Variants in LCT observed in about 807,000 individuals in gnomAD.
LCT encodes the protein lactase.
A neutral mutation model predicts 173.0 loss-of-function variants in LCT; 90 were observed. The ratio of observed to expected loss-of-function variants is 0.52; its 90% CI spans 0.44 to 0.62. LCT has a LOEUF of 0.62. Ranked by LOEUF, LCT falls within the 20% of genes least tolerant of loss-of-function variation. The pLI, the probability that LCT is intolerant of heterozygous loss-of-function variation, is 0.00. For missense variants in LCT, 1,864 were observed against 2,431.4 expected, an observed-to-expected ratio of 0.77 and a Z score of 4.91; for synonymous variants, 853 against 957.6, an observed-to-expected ratio of 0.89 and a Z score of 2.02.
Position 135,788,365 on chromosome 2 carries a change from G to GT in LCT, c.5742dup (p.Gln1915ThrfsTer39). ...GGGCTCAATTCCTGTTGGCTTCGTT[G>GT]TGTTTTCCCTTGCTTAGAGCGCTTG... is the stretch of plus-strand genomic sequence containing the variant. On this transcript the variant is annotated frameshift_variant, in exon 17 of 17. Transcript: ENST00000264162. LOFTEE classifies it high-confidence loss of function. 1 of 1,614,144 alleles carries GT rather than the reference G, an allele frequency of 6.2e-7. No homozygotes were observed.
At chr2:135,818,276 G>C (rs1049152803) in intron 5 of LCT, among the ~76,000 whole-genome samples, 2 of 152,090 alleles carry the variant, frequency 1.3e-5, no homozygotes, top group Admixed American at 6.6e-5. Context: ...CTCTTTCATG[G>C]TTAAAACAGG....
chr2:135,803,497 A>G (rs1394327669), intron 11 of LCT, among the ~76,000 whole-genome samples: 1 of 152,248 alleles, frequency 6.6e-6, no homozygotes, highest in Non-Finnish European at 1.5e-5. Context: ...GCTCAGTGCG[A>G]TAAAGACCAT....
At position 135,807,231 on chromosome 2, in the gene LCT, T is replaced by C; in HGVS notation, c.4070A>G (p.Glu1357Gly). The C allele has an allele frequency of 6.2e-7, 1 of 1,614,202 alleles. No individual in the cohort carries two copies. The highest frequency in any genetic ancestry group is 8.5e-7 in the Non-Finnish European group (1 of 1,180,008). Reference protein sequence around the residue: ...TARASARYYTEVITNNGMPLA... With the variant: ...TARASARYYTGVITNNGMPLA... ...TGGCATGCCGTTGTTGGTAATGACC[T>C]CTGTGTAGTACCTGGCGGAGGCTCT... Residue 1357 changes from glutamate (E) to glycine (G), a missense_variant, in exon 9 of 17, where the codon GAG becomes GGG. This residue lies in a region of LCT where 514 missense variants were observed against 750.1 expected (regional missense o/e 0.69). Coordinates refer to ENST00000264162, the MANE Select transcript of LCT (RefSeq NM_002299.4).
At position 135,788,284 on chromosome 2, in the gene LCT, G is replaced by A; in HGVS notation, c.*40C>T. On this transcript the variant is annotated 3_prime_UTR_variant, in exon 17 of 17. Transcript: ENST00000264162. Reference sequence around the variant, plus strand: ...TTGGTGGCCGGTAAACATAGATGAAGAAACTAGGCCTGCTTCATAGAACTT... The same window carrying A: ...TTGGTGGCCGGTAAACATAGATGAAAAAACTAGGCCTGCTTCATAGAACTT... The A allele has an allele frequency of 6.9e-7, 1 of 1,459,570 alleles. No individual in the cohort carries two copies. Among genetic ancestry groups the A allele is most frequent in the Non-Finnish European group, 9.6e-7 (1 of 1,045,140 alleles). The allele number at this position is 1,459,570 out of a possible 1,614,324, so 90.4% of individuals were successfully genotyped here.
chr2:135,812,518 C>T lies in LCT; in HGVS notation c.2146G>A (p.Val716Met). The part of the protein sequence containing the change: ...IGGFSQHVNH[V>M]WPQTSSSWIR... The stretch of plus-strand genomic sequence containing the variant: ...CAAGAGGATGAGGTCTGGGGCCACA[C>T]ATGGTTCACGTGTTGGGAGAAGCCT... The change falls in exon 7 of 17, where the codon GTG becomes ATG. Residue 716 changes from valine to methionine, a missense_variant. Physicochemically the swap from Val to Met is conservative, Grantham distance 21. This residue lies in a region of LCT where 755 missense variants were observed against 926.3 expected (regional missense o/e 0.82). Transcript: ENST00000264162. 1.2e-6 allele frequency: 2 copies of T among 1,614,228 alleles called. No individual in the cohort carries two copies. Among genetic ancestry groups the T allele is most frequent in the Non-Finnish European group, 8.5e-7 (1 of 1,180,042 alleles).
chr2:135,816,905 G>A (rs1281037964), intron 6 of LCT, among the ~76,000 whole-genome samples: 1 of 149,858 alleles, frequency 6.7e-6, no homozygotes, highest in South Asian at 2.1e-4. Context: ...GTCTTGCTCT[G>A]TTGACCAGGC....
intron 1 of LCT, among the ~76,000 whole-genome samples, chr2:135,834,787 CAAAAA>C (rs60298631): frequency 2.9e-5 from 1 of 34,166 alleles, no homozygotes; most frequent in Admixed American, 6.7e-4. Context: ...GACTCCATCT[CAAAAA>C]AAAAAAAAAA....
chr2:135,827,710 C>A (rs944374642), intron 3 of LCT, among the ~76,000 whole-genome samples: 1 of 152,102 alleles, frequency 6.6e-6, no homozygotes, highest in Non-Finnish European at 1.5e-5. Flanking sequence ...CTAATATGGT[C>A]GCTGATCTGA....
intron 3 of LCT, 51 bp from the exon 4 acceptor site, chr2:135,824,054 T>C (rs2105549532): frequency 2.5e-6 from 3 of 1,199,210 alleles, no homozygotes; most frequent in East Asian, 4.7e-5. Context: ...GGAAAGCATC[T>C]TGATAACAGG....
At chr2:135,828,787 C>G (rs771071124) in intron 3 of LCT, among the ~76,000 whole-genome samples, 7 of 152,066 alleles carry the variant, frequency 4.6e-5, no homozygotes, top group Non-Finnish European at 1.0e-4. Flanking sequence ...GTACTGGGTA[C>G]AGGAGGGAGT....
In LCT at chr2:135,837,152, A is replaced by T. The variant is rs1366118781; in HGVS notation, c.18T>A (p.His6Gln). The T allele has an allele frequency of 6.2e-7, 1 of 1,613,438 alleles. No homozygotes were observed. The highest frequency in any genetic ancestry group is 2.2e-5 in the East Asian group (1 of 44,878). ...AACTTAGCAGGGCAATAAAGACTAC[A>T]TGCCAAGACAGCTCCATTTTCTAGG... MELSW[H>Q]VVFIALLSFS... Residue 6 changes from histidine to glutamine, a missense_variant, in exon 1 of 17, where the codon CAT (histidine) becomes CAA (glutamine). His to Gln is a conservative substitution (Grantham distance 24, BLOSUM62 0). This residue lies in a region of LCT where 412 missense variants were observed against 462.0 expected (regional missense o/e 0.89). Coordinates refer to ENST00000264162, the MANE Select transcript of LCT (RefSeq NM_002299.4).
rs147755711 is a variant in LCT at position 135,808,499 on chromosome 2, G to A, written c.3848C>T (p.Thr1283Met). 1.6e-4 allele frequency: 264 copies of A among 1,614,168 alleles called. 2 individuals are homozygous for A. In the African/African-American group the frequency reaches 3.0e-3, roughly 18 times the overall value. The change falls in exon 8 of 17, where the codon ACG becomes ATG. Residue 1283 changes from threonine (T) to methionine (M), a missense_variant. Around this residue, in one of 4 missense-constraint regions of LCT, gnomAD observed 755 missense variants for 926.3 expected, o/e 0.82. Transcript: ENST00000264162. ...ENGVGLTNPN[T>M]EDTDRIFYHK... ...GTAAAATATCCTATCAGTATCCTCC[G>A]TGTTCGGATTGGTCAGCCCCACTCC...
rs147426095 is a variant in LCT at position 135,833,167 on chromosome 2, G to C, written c.664C>G (p.Arg222Gly). 1.9e-6 allele frequency: 3 copies of C among 1,613,896 alleles called. No individual in the cohort carries two copies. The highest frequency in any genetic ancestry group is 2.2e-5 in the South Asian group (2 of 91,072). The change falls in exon 2 of 17, where the codon CGA becomes GGA. Residue 222 changes from arginine (R) to glycine (G), a missense_variant. Coordinates refer to ENST00000264162, the MANE Select transcript of LCT (RefSeq NM_002299.4). ...AGGAGCTCCGGGATATCTTCAGCTCGCAGGACAACAGAGAGTTTTCCGCCT... is the reference window on the plus strand; with the variant it reads ...AGGAGCTCCGGGATATCTTCAGCTCCCAGGACAACAGAGAGTTTTCCGCCT... ...FQGGKLSVVL[R>G]AEDIPELLLE...
chr2:135,821,330 T>A (rs1291067643), intron 5 of LCT, among the ~76,000 whole-genome samples: 1 of 152,198 alleles, frequency 6.6e-6, no homozygotes, highest in Non-Finnish European at 1.5e-5. Flanking sequence ...ACAGCTGGCT[T>A]TCCTGTCTAT....
Position 135,807,042 on chromosome 2 carries a change from G to T in LCT, c.4173+86C>A. On this transcript the variant is annotated intron_variant, in intron 9 of 16. Transcript: ENST00000264162. ...GGGTCTGCTGGAATCTCCTGTTCAT[G>T]CATCTGCCCTTCCCAGCACTGAGCC... The T allele has an allele frequency of 3.4e-6, 5 of 1,458,350 alleles. No individual in the cohort carries two copies. The East Asian group carries it at 1.1e-4, about 33-fold the overall frequency. 90.3% of individuals were successfully genotyped at this position (1,458,350 alleles called of 1,614,324 possible). A position where few individuals can be genotyped will look rare whatever the true frequency, so the allele number is the denominator to read the frequency against.
At chr2:135,791,693 CAGA>C (rs1465703520) in intron 14 of LCT, among the ~76,000 whole-genome samples, 1 of 152,148 alleles carries the variant, frequency 6.6e-6, no homozygotes, top group East Asian at 1.9e-4. Flanking sequence ...GAGGGAGAAT[CAGA>C]AGGAGTAGAG....
intron 6 of LCT, among the ~76,000 whole-genome samples, chr2:135,814,472 A>G (rs977219460): frequency 2.6e-5 from 4 of 152,180 alleles, no homozygotes; most frequent in Non-Finnish European, 4.4e-5. Flanking sequence ...AACATCATAA[A>G]TGCAAAGAAG....
In LCT at chr2:135,823,158, C is replaced by T. The variant is rs78532997; in HGVS notation, c.907+743G>A. 0.01 allele frequency: 1,606 copies of T among 154,716 alleles called. 100 individuals are homozygous for T. The East Asian group carries it at 0.18, about 18-fold the overall frequency. The allele number at this position is 154,716 out of a possible 1,614,324, so 9.6% of individuals were successfully genotyped here. On this transcript the variant is annotated intron_variant, in intron 4 of 16. Coordinates refer to ENST00000264162, the MANE Select transcript of LCT (RefSeq NM_002299.4). Reference sequence around the variant, plus strand: ...GACTAAGACACAGTGGTAGAAAGAACACTACTGACTTCTCCCATACTCTGG... The same window carrying T: ...GACTAAGACACAGTGGTAGAAAGAATACTACTGACTTCTCCCATACTCTGG...
chr2:135,832,131 A>G (rs9636224), intron 2 of LCT, among the ~76,000 whole-genome samples: 149,784 of 152,162 alleles, frequency 0.98, 73,756 homozygotes, highest in East Asian at 1. Flanking sequence ...CAGGAGAATC[A>G]CTTGAATCCA....
Sources: gnomAD v4.1 joint callset for allele counts (sites outside exome capture counted in the v4.1 genomes callset) on GRCh38, gnomAD v4.1.1 for gene constraint, gnomAD v4.1.1 regional missense constraint, MANE v1.5 for transcripts, NCBI Gene and HGNC (gene_info 2026-07-23, HGNC 2026-07-21) for gene names.